Variants in TNRC18 observed in about 807,000 individuals in gnomAD.
TNRC18 encodes trinucleotide repeat containing 18.
In TNRC18, 69 loss-of-function variants were observed where a neutral mutation model predicts 226.7. That is an observed-to-expected ratio of 0.30 (90% confidence interval 0.25 to 0.37). The LOEUF (loss-of-function observed/expected upper bound fraction) is 0.37, where lower values mean the gene tolerates loss of function less well. TNRC18 is among the 10% of genes least tolerant of loss of function. The pLI, the probability that TNRC18 is intolerant of heterozygous loss-of-function variation, is 1.00. For synonymous variants in TNRC18, 2,449 were observed against 1,927.6 expected (o/e 1.27, Z -7.09); for missense variants, 4,754 against 4,256.6 (o/e 1.12, Z -3.25).
In TNRC18 at chr7:5,374,324, C is replaced by T; in HGVS notation, c.2960G>A (p.Gly987Asp). 7.0e-7 allele frequency: 1 copy of T among 1,426,596 alleles called. No homozygotes were observed. Among genetic ancestry groups the T allele is most frequent in the Non-Finnish European group, 9.1e-7 (1 of 1,098,008 alleles). The allele number at this position is 1,426,596 out of a possible 1,614,324, so 88.4% of individuals were successfully genotyped here. The change falls in exon 10 of 30, where the codon GGC (glycine) becomes GAC (aspartate). Residue 987 changes from glycine (G) to aspartate (D), a missense_variant. Transcript: ENST00000430969. ...GLAAGPAGTY[G>D]KAVSPPPSPR... ...TGATGGTGGCGGGCTCACGGCCTTGCCGTAGGTGCCCGCGGGGCCGGCGGC... is the reference window on the plus strand; with the variant it reads ...TGATGGTGGCGGGCTCACGGCCTTGTCGTAGGTGCCCGCGGGGCCGGCGGC...
At chr7:5,357,406 G>A (rs1424656299) in intron 15 of TNRC18, 130 bp from the exon 16 acceptor site, 10 of 1,000,354 alleles carry the variant, frequency 1.0e-5, no homozygotes, top group Middle Eastern at 3.0e-4. Flanking sequence ...CTCTTAGCAC[G>A]CATATATATT....
At chr7:5,345,950 A>C in intron 17 of TNRC18, 140 bp from the exon 18 acceptor site, 1 of 1,280,640 alleles carries the variant, frequency 7.8e-7, no homozygotes, top group Non-Finnish European at 1.0e-6. Context: ...GGGTGGATGC[A>C]GACCCAGCCC....
At chr7:5,332,413 C>T (rs1789617670) in intron 19 of TNRC18, among the ~76,000 whole-genome samples, 1 of 152,178 alleles carries the variant, frequency 6.6e-6, no homozygotes, top group African/African-American at 2.4e-5. Flanking sequence ...AGCCTGGTGA[C>T]AGAGCAAGAG....
rs1373002622 is a variant in TNRC18 at position 5,309,574 on chromosome 7, G to A, written c.8389-206C>T. ...TTGACATGCTGGGTCTCCAAGAGGC[G>A]CTTCCCTTGATCTAAGCATTCTGCC... On this transcript the variant is annotated intron_variant, in intron 27 of 29. Coordinates refer to ENST00000430969, the MANE Select transcript of TNRC18 (RefSeq NM_001080495.3). The surrounding 1 kb of genome is among the most constrained non-coding windows in gnomAD (Gnocchi z 5.7). Among the ~76,000 whole-genome samples the A allele has an allele frequency of 2.6e-5, 4 of 152,224 alleles. No homozygotes were observed. Among genetic ancestry groups the A allele is most frequent in the East Asian group, 1.9e-4 (1 of 5,190 alleles).
In TNRC18 at chr7:5,309,093, C is replaced by T. The variant is rs766830596; in HGVS notation, c.8625+39G>A. ...CCTCGCCCTCAGGTCTGCCCTACAC[C>T]GCCTAGGACTGGGGGCCGCAGCCGG... On this transcript the variant is annotated intron_variant, in intron 28 of 29. Coordinates refer to ENST00000430969, the MANE Select transcript of TNRC18 (RefSeq NM_001080495.3). The surrounding 1 kb of genome is among the most constrained non-coding windows in gnomAD (Gnocchi z 5.7). The T allele has an allele frequency of 1.1e-5, 17 of 1,555,586 alleles. No individual in the cohort carries two copies. Among genetic ancestry groups the T allele is most frequent in the Non-Finnish European group, 1.4e-5 (16 of 1,146,912 alleles).
Position 5,377,495 on chromosome 7 carries a change from C to G in TNRC18, c.2337G>C (p.Val779=). Reference sequence around the variant, plus strand: ...AGCCCGCCAGCGCCGGGCCCCCCGTCACCATGAGGTTGGGGTTCAGGCCGT... The same window carrying G: ...AGCCCGCCAGCGCCGGGCCCCCCGTGACCATGAGGTTGGGGTTCAGGCCGT... ...APNGLNPNLM[V]TGGPALAGSG... The change falls in exon 7 of 30, where the codon GTG becomes GTC. Residue 779 remains valine, a synonymous_variant. Coordinates refer to ENST00000430969, the MANE Select transcript of TNRC18 (RefSeq NM_001080495.3). This position sits in a 1 kb window ranked among gnomAD's most constrained non-coding sequence, Gnocchi z 5.8. 6.3e-7 allele frequency: 1 copy of G among 1,584,936 alleles called. No individual in the cohort carries two copies. Among genetic ancestry groups the G allele is most frequent in the Non-Finnish European group, 8.6e-7 (1 of 1,166,398 alleles).
intron 24 of TNRC18, among the ~76,000 whole-genome samples, chr7:5,318,006 G>A (rs113053578): frequency 0.029 from 4,460 of 152,030 alleles, 193 homozygotes; most frequent in African/African-American, 0.096. Context: ...CGAGTAGCTG[G>A]GATTACAGGC....
At chr7:5,321,288 G>T in intron 21 of TNRC18, 98 bp from the exon 22 acceptor site, 2 of 884,018 alleles carry the variant, frequency 2.3e-6, no homozygotes, top group Admixed American at 2.2e-5. Context: ...TGGAATGGAG[G>T]CCCTGGTACC....
intron 18 of TNRC18, 34 bp downstream of exon 18, chr7:5,345,528 C>CCCCCCCCCCCCCCCCCA: frequency 3.7e-6 from 2 of 534,162 alleles, no homozygotes; most frequent in Non-Finnish European, 5.4e-6. Flanking sequence ...CCCCTCCCAC[C>CCCCCCCCCCCCCCCCCA]CACCCCCACC....
chr7:5,369,069 T>C (rs894287508), intron 11 of TNRC18, among the ~76,000 whole-genome samples: 2 of 152,002 alleles, frequency 1.3e-5, no homozygotes, highest in African/African-American at 4.8e-5. Context: ...GAACCGAGGC[T>C]GGGAGCGGTG....
At position 5,389,194 on chromosome 7, in the gene TNRC18, C is replaced by G; in HGVS notation, c.630G>C (p.Ala210=). 7.5e-7 allele frequency: 1 copy of G among 1,326,332 alleles called. No individual in the cohort carries two copies. Among genetic ancestry groups the G allele is most frequent in the Non-Finnish European group, 9.6e-7 (1 of 1,040,730 alleles). The allele number at this position is 1,326,332 out of a possible 1,614,324, so 82.2% of individuals were successfully genotyped here. Residue 210 remains alanine, a synonymous_variant, in exon 5 of 30, where the codon GCG becomes GCC. Coordinates refer to ENST00000430969, the MANE Select transcript of TNRC18 (RefSeq NM_001080495.3). ...GCGGAGGCGGCTCCCCGCCGCGGCC[C>G]GCCCGCTCCTTGGCTGGACCGTCCC... is the stretch of plus-strand genomic sequence containing the variant. The part of the protein sequence containing the change: ...SSRDGPAKER[A]GRGGEPPPLF...
chr7:5,308,738 T>G, intron 29 of TNRC18, 137 bp downstream of exon 29: 1 of 882,966 alleles, frequency 1.1e-6, no homozygotes, highest in Non-Finnish European at 1.8e-6. Flanking sequence ...GCACTGAGAG[T>G]GGCAGGGACA....
Position 5,378,030 on chromosome 7 carries a change from G to T in TNRC18, c.2153-6C>A. 1 of 1,607,162 alleles carries T rather than the reference G, an allele frequency of 6.2e-7. No individual in the cohort carries two copies. On this transcript the variant is annotated splice_polypyrimidine_tract_variant and splice_region_variant and intron_variant, in intron 5 of 29. Coordinates refer to ENST00000430969, the MANE Select transcript of TNRC18 (RefSeq NM_001080495.3). ...CTCATCTGCTCGGCCGTGCCCTGCA[G>T]GGGGCCAGGTGGAAGTGAGCCCCCA... is the stretch of plus-strand genomic sequence containing the variant.
At position 5,314,984 on chromosome 7, in the gene TNRC18, C is replaced by A; in HGVS notation, c.7027G>T (p.Asp2343Tyr). 1 of 1,605,186 alleles carries A rather than the reference C, an allele frequency of 6.2e-7. No homozygotes were observed. Among genetic ancestry groups the A allele is most frequent in the Non-Finnish European group, 8.5e-7 (1 of 1,177,102 alleles). The change falls in exon 26 of 30, where the codon GAC becomes TAC. Residue 2343 changes from aspartate (D) to tyrosine (Y), a missense_variant and splice_region_variant. Physicochemically the swap from Asp to Tyr is radical, Grantham distance 160. Coordinates refer to ENST00000430969, the MANE Select transcript of TNRC18 (RefSeq NM_001080495.3). ...GRKPSAKAKG[D>Y]RAATLEEGNP... ...TGCCCTGGGGACCAGGCCAACCTAC[C>A]ACCCTTGGCCTTGGCGCTGGGTTTC...
rs1243246906 is a variant in TNRC18, at chr7:5,361,740, G to A, written c.4533-18C>T. 33 of 1,558,972 alleles carry A rather than the reference G, an allele frequency of 2.1e-5. No homozygotes were observed. Among genetic ancestry groups the A allele is most frequent in the East Asian group, 2.4e-5 (1 of 41,564 alleles). The stretch of plus-strand genomic sequence containing the variant: ...GCCTGTCCCTTAAAAAGAATCACAC[G>A]CTTGGCTGTGACGCTGGGGGGCGGG... On this transcript the variant is annotated intron_variant, in intron 13 of 29. Coordinates refer to ENST00000430969, the MANE Select transcript of TNRC18 (RefSeq NM_001080495.3).
chr7:5,382,753 C>T (rs1229094365), intron 5 of TNRC18, among the ~76,000 whole-genome samples: 1 of 152,104 alleles, frequency 6.6e-6, no homozygotes, highest in African/African-American at 2.4e-5. Context: ...GGGCTCCCCG[C>T]TCAGCCTTGC....
At chr7:5,364,456 A>G (rs1793398787) in intron 11 of TNRC18, among the ~76,000 whole-genome samples, 1 of 101,150 alleles carries the variant, frequency 9.9e-6, no homozygotes, top group African/African-American at 3.5e-5. Flanking sequence ...AGCCTGTCTC[A>G]AAGAAAACAC....
chr7:5,391,652 G>T (rs934766202), intron 3 of TNRC18, among the ~76,000 whole-genome samples: 12 of 148,866 alleles, frequency 8.1e-5, no homozygotes, highest in African/African-American at 3.1e-4. Context: ...TTGGGACCTT[G>T]CAGGACAAAG....
Position 5,388,059 on chromosome 7 carries a change from T to A in TNRC18, c.1765A>T (p.Ile589Leu), listed in dbSNP as rs961726108. The A allele has an allele frequency of 1.5e-5, 24 of 1,559,596 alleles. No homozygotes were observed. Among genetic ancestry groups the A allele is most frequent in the African/African-American group, 2.7e-5 (2 of 73,456 alleles). Residue 589 changes from isoleucine (I) to leucine (L), a missense_variant, in exon 5 of 30, where the codon ATA (isoleucine) becomes TTA (leucine). Physicochemically the swap from Ile to Leu is conservative, Grantham distance 5 (BLOSUM62 2). Coordinates refer to ENST00000430969, the MANE Select transcript of TNRC18 (RefSeq NM_001080495.3). The part of the protein sequence containing the change: ...SGEASAMQSL[I>L]KYSGSFARDA... ...CGGGCAAAGCTGCCACTGTACTTTA[T>A]AAGGCTCTGCATGGCCGAGGCCTCT...
Sources: allele counts gnomAD v4.1 joint callset (sites outside exome capture counted in the v4.1 genomes callset), GRCh38; gene constraint gnomAD v4.1.1; non-coding constraint Gnocchi (gnomAD v3.1); transcripts MANE v1.5; gene names NCBI Gene and HGNC (gene_info 2026-07-23, HGNC 2026-07-21).